MECOM: variants seen among roughly 807,000 people sequenced by gnomAD.
MECOM encodes the protein MDS1 and EVI1 complex locus, also known as histone-lysine N-methyltransferase MECOM.
Under a neutral mutation model 116.3 loss-of-function variants are expected in MECOM, and 13 were observed. The observed-to-expected ratio is 0.11, with a 90% CI of 0.07 to 0.18. The LOEUF is 0.18. MECOM is among the 10% of genes least tolerant of loss of function. The pLI is 1.00. For synonymous variants in MECOM, 528 were observed against 535.2 expected (o/e 0.99, Z 0.19); for missense variants, 1,299 against 1,509.0 (o/e 0.86, Z 2.31).
intron 1 of MECOM, among the ~76,000 whole-genome samples, chr3:169,438,125 A>G (rs1333834537): frequency 1.3e-5 from 2 of 152,254 alleles, no homozygotes; most frequent in African/African-American, 2.4e-5. Flanking sequence ...TTAAACAGCC[A>G]TAATTCAAAC....
In MECOM at chr3:169,131,641, T is replaced by C. The variant is rs1428960795; in HGVS notation, c.511-110A>G. The C allele has an allele frequency of 4.0e-6, 3 of 743,170 alleles. No individual in the cohort carries two copies. The Admixed American group carries it at 9.3e-5, about 23-fold the overall frequency. The allele number at this position is 743,170 out of a possible 1,614,324, so 46.0% of individuals were successfully genotyped here. A position where few individuals can be genotyped will look rare whatever the true frequency, so the allele number is the denominator to read the frequency against. On this transcript the variant is annotated intron_variant, in intron 3 of 16. Coordinates refer to ENST00000651503, the MANE Select transcript of MECOM (RefSeq NM_004991.4). ...ACCTGTACAAACACCTTAACAAACATCTTTTTCTTTTTCTTTTTTATCAAA... is the reference window on the plus strand; with the variant it reads ...ACCTGTACAAACACCTTAACAAACACCTTTTTCTTTTTCTTTTTTATCAAA...
chr3:169,656,898 T>C (rs912531007), intron 1 of MECOM, among the ~76,000 whole-genome samples: 4 of 152,270 alleles, frequency 2.6e-5, no homozygotes, highest in Non-Finnish European at 5.9e-5. Context: ...TATGTTTCTA[T>C]ATAGATAAAA....
At chr3:169,570,234 T>C (rs1172278756) in intron 1 of MECOM, among the ~76,000 whole-genome samples, 1 of 151,946 alleles carries the variant, frequency 6.6e-6, no homozygotes, top group Admixed American at 6.6e-5. Context: ...AATTAGAAAA[T>C]CTAGAAGAAA....
At chr3:169,430,446 T>C (rs1741429701) in intron 1 of MECOM, among the ~76,000 whole-genome samples, 1 of 152,220 alleles carries the variant, frequency 6.6e-6, no homozygotes, top group Non-Finnish European at 1.5e-5. Context: ...GCCAGTAATT[T>C]TTTTCAAGTA....
At chr3:169,250,041 C>T (rs1013053920) in intron 2 of MECOM, among the ~76,000 whole-genome samples, 3 of 152,148 alleles carry the variant, frequency 2.0e-5, no homozygotes, top group African/African-American at 4.8e-5. Context: ...CCAATGGATC[C>T]GTTCTCAAAC....
intron 2 of MECOM, among the ~76,000 whole-genome samples, chr3:169,361,900 T>G (rs1728364674): frequency 6.6e-6 from 1 of 151,802 alleles, no homozygotes; most frequent in African/African-American, 2.4e-5. Context: ...TGGCGAGGAA[T>G]AGAATTATCT....
intron 2 of MECOM, among the ~76,000 whole-genome samples, chr3:169,261,552 T>A (rs1374548113): frequency 6.6e-6 from 1 of 151,958 alleles, no homozygotes; most frequent in African/African-American, 2.4e-5. Context: ...TACAAAAAAA[T>A]TAGCTGGGCA....
chr3:169,463,119 A>T (rs1018349935), intron 1 of MECOM, among the ~76,000 whole-genome samples: 1 of 152,214 alleles, frequency 6.6e-6, no homozygotes, highest in Non-Finnish European at 1.5e-5. Context: ...GTCTGTGAGC[A>T]TACAAAATAA....
At chr3:169,194,440 T>C (rs1748140710) in intron 2 of MECOM, among the ~76,000 whole-genome samples, 2 of 152,016 alleles carry the variant, frequency 1.3e-5, no homozygotes, top group Non-Finnish European at 2.9e-5. Context: ...GTTGTGCACA[T>C]GTACCCTAAA....
At chr3:169,475,110 G>T (rs547982606) in intron 1 of MECOM, among the ~76,000 whole-genome samples, 1 of 152,252 alleles carries the variant, frequency 6.6e-6, no homozygotes, top group East Asian at 1.9e-4. Flanking sequence ...CAGAGTCCAT[G>T]TATTTATTGG....
intron 1 of MECOM, among the ~76,000 whole-genome samples, chr3:169,622,869 A>C (rs1159357822): frequency 6.6e-6 from 1 of 152,214 alleles, no homozygotes; most frequent in Non-Finnish European, 1.5e-5. Context: ...GAGGAAAGAC[A>C]GGTAATTCAT....
intron 3 of MECOM, among the ~76,000 whole-genome samples, chr3:169,138,682 G>A (rs1460789952): frequency 1.3e-5 from 2 of 152,126 alleles, no homozygotes; most frequent in Non-Finnish European, 2.9e-5. Flanking sequence ...AATGTGGACA[G>A]ATACCCTTGT....
intron 1 of MECOM, among the ~76,000 whole-genome samples, chr3:169,612,062 T>C (rs770777912): frequency 6.6e-6 from 1 of 152,178 alleles, no homozygotes; most frequent in Non-Finnish European, 1.5e-5. Context: ...TTATGAGTTA[T>C]GACAACCAAA....
chr3:169,169,790 T>C (rs1200483694), intron 2 of MECOM, among the ~76,000 whole-genome samples: 2 of 152,092 alleles, frequency 1.3e-5, no homozygotes, highest in Non-Finnish European at 2.9e-5. Flanking sequence ...GTCAGCAAGA[T>C]ACTCTGTTCT....
chr3:169,422,733 G>T (rs1313149290), intron 1 of MECOM, among the ~76,000 whole-genome samples: 1 of 152,044 alleles, frequency 6.6e-6, no homozygotes. Flanking sequence ...TGAATCATAT[G>T]CATAACGCAG....
intron 1 of MECOM, among the ~76,000 whole-genome samples, chr3:169,481,918 A>C (rs1751349433): frequency 2.0e-5 from 3 of 152,212 alleles, no homozygotes; most frequent in Admixed American, 1.3e-4. Flanking sequence ...GGGCACTGAT[A>C]GTTTTCATTT....
At chr3:169,631,605 TC>T (rs1772097484) in intron 1 of MECOM, among the ~76,000 whole-genome samples, 1 of 88,596 alleles carries the variant, frequency 1.1e-5, no homozygotes, top group Admixed American at 1.5e-4. Context: ...AAGCTATCCC[TC>T]CCCCCTCCCC....
intron 1 of MECOM, among the ~76,000 whole-genome samples, chr3:169,411,836 C>T (rs1256485424): frequency 6.6e-6 from 1 of 152,076 alleles, no homozygotes; most frequent in African/African-American, 2.4e-5. Context: ...ACTAAAAATA[C>T]AAAAAGTAGC....
intron 1 of MECOM, among the ~76,000 whole-genome samples, chr3:169,417,552 A>G (rs1310781776): frequency 6.6e-6 from 1 of 151,998 alleles, no homozygotes; most frequent in Non-Finnish European, 1.5e-5. Context: ...CAGTGTGGTG[A>G]TTCCTCAGGG....
Sources: allele counts gnomAD v4.1 joint callset (sites outside exome capture counted in the v4.1 genomes callset), GRCh38; gene constraint gnomAD v4.1.1; transcripts MANE v1.5; gene names NCBI Gene and HGNC (gene_info 2026-07-23, HGNC 2026-07-21).